ARMH4: variants seen among roughly 807,000 people sequenced by gnomAD.
ARMH4 encodes armadillo like helical domain containing 4, also known as armadillo-like helical domain-containing protein 4.
ARMH4 carries 49 observed loss-of-function variants against 61.9 expected under a neutral mutation model. The observed-to-expected ratio is 0.79, with a 90% CI of 0.63 to 1.00. The LOEUF is 1.00. Among genes scored for constraint, ARMH4 ranks in the 50% least tolerant of loss-of-function variants. The probability of loss-of-function intolerance (pLI) is 0.00; values close to 1 mark genes in which losing one functional copy is unlikely to be tolerated. For synonymous variants in ARMH4, 368 were observed against 341.5 expected, an observed-to-expected ratio of 1.08 and a Z score of -0.85; for missense variants, 934 against 930.0, an observed-to-expected ratio of 1.00 and a Z score of -0.06.
In ARMH4 at chr14:58,139,203, G is replaced by C; in HGVS notation, c.156C>G (p.Thr52=). The C allele has an allele frequency of 6.2e-7, 1 of 1,614,168 alleles. No individual in the cohort carries two copies. Among genetic ancestry groups the C allele is most frequent in the Non-Finnish European group, 8.5e-7 (1 of 1,180,026 alleles). Residue 52 remains threonine (T), a synonymous_variant, in exon 2 of 8, where the codon ACC becomes ACG. Transcript: ENST00000267485. ...AEKGQSDKMN[T]DDLENSSVTS... Reference sequence around the variant, plus strand: ...TAACAGAGCTATTTTCTAGGTCATCGGTGTTCATCTTATCGGACTGCCCTT... The same window carrying C: ...TAACAGAGCTATTTTCTAGGTCATCCGTGTTCATCTTATCGGACTGCCCTT...
At chr14:58,089,624 T>C (rs148766379) in intron 5 of ARMH4, among the ~76,000 whole-genome samples, 29 of 152,372 alleles carry the variant, frequency 1.9e-4, no homozygotes, top group African/African-American at 6.0e-4. Flanking sequence ...ATGATAATGT[T>C]TTAATGAGTT....
At chr14:58,144,501 T>C (rs777869927) in intron 1 of ARMH4, among the ~76,000 whole-genome samples, 17 of 152,044 alleles carry the variant, frequency 1.1e-4, no homozygotes, top group Non-Finnish European at 2.2e-4. Context: ...GCCGTGATCA[T>C]ACCACTACAC....
intron 5 of ARMH4, among the ~76,000 whole-genome samples, chr14:58,040,004 T>C (rs2141180167): frequency 6.6e-6 from 1 of 151,960 alleles, no homozygotes; most frequent in Non-Finnish European, 1.5e-5. Flanking sequence ...AAAGTAATAC[T>C]AGAACCAAAA....
At chr14:58,121,366 C>T (rs58281109) in intron 4 of ARMH4, among the ~76,000 whole-genome samples, 25,631 of 152,104 alleles carry the variant, frequency 0.17, 3,761 homozygotes, top group African/African-American at 0.4. Context: ...GGCACACACA[C>T]ACACAAAAAA....
rs1182646966 is a variant in ARMH4 at position 58,000,983 on chromosome 14, T to A, written c.*3753A>T. On this transcript the variant is annotated 3_prime_UTR_variant, in exon 8 of 8. Transcript: ENST00000267485. The stretch of plus-strand genomic sequence containing the variant: ...AGCTCTAGAACTTATTCATCTTGCA[T>A]AACTGAAACATAATTAATCAACATC... 1 of 152,196 alleles carries A rather than the reference T, an allele frequency of 6.6e-6. No homozygotes were observed. The highest frequency in any genetic ancestry group is 1.5e-5 in the Non-Finnish European group (1 of 68,026). 9.4% of individuals were successfully genotyped at this position (152,196 alleles called of 1,614,324 possible). A position where few individuals can be genotyped will look rare whatever the true frequency, so the allele number is the denominator to read the frequency against.
intron 2 of ARMH4, among the ~76,000 whole-genome samples, chr14:58,137,483 C>T (rs1202273765): frequency 3.1e-5 from 4 of 130,168 alleles, no homozygotes; most frequent in Admixed American, 2.2e-4. Flanking sequence ...CTGCAACCTC[C>T]GCCTTCCCAG....
intron 5 of ARMH4, among the ~76,000 whole-genome samples, chr14:58,052,260 T>A (rs980370784): frequency 1.3e-5 from 2 of 152,166 alleles, no homozygotes; most frequent in Non-Finnish European, 2.9e-5. Context: ...CCACCACACC[T>A]GTGCTCATTA....
chr14:58,114,964 T>C (rs969859272), intron 4 of ARMH4, among the ~76,000 whole-genome samples: 1 of 152,136 alleles, frequency 6.6e-6, no homozygotes, highest in Non-Finnish European at 1.5e-5. Flanking sequence ...AAGACTTAAA[T>C]GTAAGACATA....
Position 58,133,228 on chromosome 14 carries a change from C to G in ARMH4, c.1483G>C (p.Glu495Gln). 1 of 1,614,146 alleles carries G rather than the reference C, an allele frequency of 6.2e-7. No homozygotes were observed. Among genetic ancestry groups the G allele is most frequent in the Non-Finnish European group, 8.5e-7 (1 of 1,180,030 alleles). The change falls in exon 3 of 8, where the codon GAG becomes CAG. Residue 495 changes from glutamate (E) to glutamine (Q), a missense_variant. Transcript: ENST00000267485. ...LELIRDSGKT[E>Q]EEKEDPSPVS... ...GGAGAGGGGTCCTCCTTTTCTTCCT[C>G]AGTCTTGCCACTGTCTCTGATAAGC...
At chr14:58,049,224 G>A (rs1187152238) in intron 5 of ARMH4, among the ~76,000 whole-genome samples, 3 of 145,002 alleles carry the variant, frequency 2.1e-5, no homozygotes, top group South Asian at 4.3e-4. Flanking sequence ...GGGCAACAGA[G>A]CAAGACTCCG....
At chr14:58,030,545 A>G (rs1484709546) in intron 5 of ARMH4, among the ~76,000 whole-genome samples, 2 of 152,208 alleles carry the variant, frequency 1.3e-5, no homozygotes, top group Non-Finnish European at 2.9e-5. Flanking sequence ...TATATTCATA[A>G]TGTCATCAGC....
chr14:58,070,173 G>C (rs147857181), intron 5 of ARMH4, among the ~76,000 whole-genome samples: 1 of 152,078 alleles, frequency 6.6e-6, no homozygotes, highest in Non-Finnish European at 1.5e-5. Context: ...AGACAATGAG[G>C]GTTCCCAAAT....
At chr14:58,079,041 A>G (rs1327320200) in intron 5 of ARMH4, among the ~76,000 whole-genome samples, 1 of 152,214 alleles carries the variant, frequency 6.6e-6, no homozygotes, top group African/African-American at 2.4e-5. Context: ...GGAATGTTGC[A>G]GCTATTTTGA....
chr14:58,136,646 C>T (rs1887309935), intron 2 of ARMH4, among the ~76,000 whole-genome samples: 1 of 152,130 alleles, frequency 6.6e-6, no homozygotes, highest in Admixed American at 6.6e-5. Flanking sequence ...ATTAATTGGG[C>T]TACTTGGCTG....
chr14:58,088,122 G>A (rs571054333), intron 5 of ARMH4, among the ~76,000 whole-genome samples: 1 of 152,248 alleles, frequency 6.6e-6, no homozygotes, highest in South Asian at 2.1e-4. Context: ...GGAGTTTCTA[G>A]CACAAATAGG....
At chr14:58,048,207 G>A (rs374695103) in intron 5 of ARMH4, among the ~76,000 whole-genome samples, 24 of 152,172 alleles carry the variant, frequency 1.6e-4, no homozygotes, top group Admixed American at 1.3e-4. Context: ...AGCTTATAAC[G>A]GGAAAAACCC....
chr14:58,119,256 C>T (rs140491476), intron 4 of ARMH4, among the ~76,000 whole-genome samples: 27 of 152,168 alleles, frequency 1.8e-4, no homozygotes, highest in African/African-American at 5.8e-4. Flanking sequence ...AGAGGTAGTC[C>T]GATGGCAAAA....
At chr14:58,130,233 A>G (rs191579363) in intron 4 of ARMH4, among the ~76,000 whole-genome samples, 1 of 152,284 alleles carries the variant, frequency 6.6e-6, no homozygotes, top group African/African-American at 2.4e-5. Flanking sequence ...GGAATGCAAG[A>G]GCTGTTAGCC....
At chr14:58,119,574 C>A (rs1325693674) in intron 4 of ARMH4, among the ~76,000 whole-genome samples, 1 of 152,220 alleles carries the variant, frequency 6.6e-6, no homozygotes, top group African/African-American at 2.4e-5. Flanking sequence ...CTGCTTGGAC[C>A]ACTGCCCACA....
Sources: gnomAD v4.1 joint callset for allele counts (sites outside exome capture counted in the v4.1 genomes callset) on GRCh38, gnomAD v4.1.1 for gene constraint, MANE v1.5 for transcripts, NCBI Gene and HGNC (gene_info 2026-07-23, HGNC 2026-07-21) for gene names.